The following FAM13A variants were observed in gnomAD, a reference collection of about 807,000 sequenced individuals.
FAM13A encodes the protein protein FAM13A.
FAM13A carries 76 observed loss-of-function variants against 129.6 expected under a neutral mutation model. That is an observed-to-expected ratio of 0.59 (90% CI 0.49 to 0.71). The LOEUF (loss-of-function observed/expected upper bound fraction) is 0.71. Ranked by LOEUF, FAM13A falls within the 30% of genes least tolerant of loss-of-function variation. The pLI, the probability that FAM13A is intolerant of heterozygous loss-of-function variation, is 0.00. For synonymous variants in FAM13A, 443 were observed against 449.9 expected (o/e 0.98, Z 0.20); for missense variants, 1,108 against 1,249.3 (o/e 0.89, Z 1.70).
chr4:88,926,981 A>C (rs1446055690), intron 5 of FAM13A, among the ~76,000 whole-genome samples: 1 of 152,158 alleles, frequency 6.6e-6, no homozygotes, highest in African/African-American at 2.4e-5. Context: ...ACCTACACCC[A>C]CCGACAGACA....
chr4:88,752,742 G>C (rs891845145), intron 14 of FAM13A, among the ~76,000 whole-genome samples: 10 of 152,138 alleles, frequency 6.6e-5, no homozygotes, highest in African/African-American at 2.2e-4. Context: ...AAGTAAGGAG[G>C]GGGGACTGGA....
intron 5 of FAM13A, among the ~76,000 whole-genome samples, chr4:88,927,388 C>T (rs1315087220): frequency 1.3e-5 from 2 of 150,312 alleles, no homozygotes; most frequent in African/African-American, 4.9e-5. Context: ...ATTGTATAAT[C>T]AATGAACAGG....
intron 6 of FAM13A, 45 bp downstream of exon 6, chr4:88,906,334 T>C (rs758675217): frequency 4.1e-6 from 5 of 1,209,112 alleles, no homozygotes; most frequent in Non-Finnish European, 6.0e-6. Context: ...CAAAGAACCA[T>C]GCTAAAGATT....
intron 7 of FAM13A, among the ~76,000 whole-genome samples, chr4:88,845,861 C>G (rs1428525613): frequency 6.6e-6 from 1 of 152,102 alleles, no homozygotes; most frequent in Non-Finnish European, 1.5e-5. Context: ...TAGAACAACT[C>G]TCATCTGAAA....
intron 11 of FAM13A, among the ~76,000 whole-genome samples, chr4:88,777,895 A>G (rs1226317405): frequency 6.6e-6 from 1 of 152,106 alleles, no homozygotes; most frequent in African/African-American, 2.4e-5. Context: ...TACTTGACCT[A>G]TCATCTGATT....
chr4:88,835,942 T>C (rs996463787), intron 7 of FAM13A, among the ~76,000 whole-genome samples: 1 of 152,146 alleles, frequency 6.6e-6, no homozygotes, highest in Non-Finnish European at 1.5e-5. Context: ...ATAATTTCTC[T>C]GAAACATGAC....
Position 88,728,572 on chromosome 4 carries a change from C to T in FAM13A, c.3033G>A (p.Val1011=), listed in dbSNP as rs1239437189. The change falls in exon 24 of 24, where the codon GTG becomes GTA. Residue 1011 remains valine, a synonymous_variant. Transcript: ENST00000264344. Reference sequence around the variant, plus strand: ...AATCAGTGTCTCTCTTGCTGATGAGCACCTCCAGGAGCCTCAGTTTCGCCT... The same window carrying T: ...AATCAGTGTCTCTCTTGCTGATGAGTACCTCCAGGAGCCTCAGTTTCGCCT... ...HIKAKLRLLE[V]LISKRDTDSK... 1.2e-6 allele frequency: 2 copies of T among 1,614,076 alleles called. No homozygotes were observed. Among genetic ancestry groups the T allele is most frequent in the South Asian group, 1.1e-5 (1 of 91,086 alleles).
intron 6 of FAM13A, among the ~76,000 whole-genome samples, chr4:88,867,631 C>A (rs1319678510): frequency 1.3e-5 from 2 of 152,128 alleles, no homozygotes; most frequent in Non-Finnish European, 2.9e-5. Flanking sequence ...ATAGAAGACA[C>A]AAATAATGAG....
rs563028024 is a variant in FAM13A at position 88,764,021 on chromosome 4, T to G, written c.1578+3532A>C. ...TGAAGTCAAAATAACAGTCATCCAT[T>G]CTATAAATACTTTTCAGAAATTCAC... is the stretch of plus-strand genomic sequence containing the variant. On this transcript the variant is annotated intron_variant, in intron 13 of 23. Coordinates refer to ENST00000264344, the MANE Select transcript of FAM13A (RefSeq NM_014883.4). 7.9e-5 allele frequency among the ~76,000 whole-genome samples: 12 copies of G among 152,320 alleles called. No individual in the cohort carries two copies. In the East Asian group the frequency reaches 2.3e-3, roughly 29 times the overall value.
intron 2 of FAM13A, among the ~76,000 whole-genome samples, chr4:89,023,839 C>T (rs933571898): frequency 4.0e-5 from 6 of 150,288 alleles, no homozygotes; most frequent in Admixed American, 6.7e-5. Context: ...TAGAATATAG[C>T]CAGTACCCAC....
chr4:88,888,040 A>T (rs1038526019), intron 6 of FAM13A, among the ~76,000 whole-genome samples: 2 of 152,180 alleles, frequency 1.3e-5, no homozygotes, highest in African/African-American at 4.8e-5. Flanking sequence ...TTATCTTCTA[A>T]TACTTCCCTT....
chr4:88,880,572 CAG>C (rs1350954425), intron 6 of FAM13A, among the ~76,000 whole-genome samples: 1 of 152,074 alleles, frequency 6.6e-6, no homozygotes, highest in East Asian at 1.9e-4. Context: ...CCACCGAACG[CAG>C]AGTTTCCTGG....
At chr4:89,027,531 C>A (rs1302406902) in intron 2 of FAM13A, among the ~76,000 whole-genome samples, 2 of 150,876 alleles carry the variant, frequency 1.3e-5, no homozygotes, top group Non-Finnish European at 3.0e-5. Context: ...AAAAGCAATA[C>A]AATAGAAAAA....
chr4:88,727,400 AATT>A lies in FAM13A; in HGVS notation c.*1130_*1132del, dbSNP rs1736663418. 6.6e-6 allele frequency: 1 copy of A among 152,670 alleles called. No individual in the cohort carries two copies. 9.5% of individuals were successfully genotyped at this position (152,670 alleles called of 1,614,324 possible). Reference sequence around the variant, plus strand: ...GTTTTGTGACAAAGTCTTTGAAAAAAATTATAATTGGCCACACAGCATGACTTC... The same window carrying A: ...GTTTTGTGACAAAGTCTTTGAAAAAAATAATTGGCCACACAGCATGACTTC... On this transcript the variant is annotated 3_prime_UTR_variant, in exon 24 of 24. Transcript: ENST00000264344.
chr4:88,777,244 A>G (rs1721929110), intron 11 of FAM13A, among the ~76,000 whole-genome samples: 1 of 152,172 alleles, frequency 6.6e-6, no homozygotes, highest in African/African-American at 2.4e-5. Flanking sequence ...GAATTTCCAA[A>G]GATACTTTTC....
chr4:89,016,822 A>G (rs867763776), intron 3 of FAM13A, among the ~76,000 whole-genome samples: 6 of 152,064 alleles, frequency 3.9e-5, no homozygotes, highest in Admixed American at 3.9e-4. Context: ...TTCTGTAGAG[A>G]TGCGGTTTTG....
chr4:89,057,002 G>A lies in FAM13A; in HGVS notation c.-38C>T, dbSNP rs1274763229. On this transcript the variant is annotated 5_prime_UTR_variant, in exon 1 of 24. Transcript: ENST00000264344. ...CGTCTGGAAGAACTGAGGAAGACCA[G>A]ACGAAAATATTAAAACGACAGCAAA... is the stretch of plus-strand genomic sequence containing the variant. 1 of 1,608,784 alleles carries A rather than the reference G, an allele frequency of 6.2e-7. No homozygotes were observed. The highest frequency in any genetic ancestry group is 2.2e-5 in the East Asian group (1 of 44,778).
intron 2 of FAM13A, among the ~76,000 whole-genome samples, chr4:89,021,715 C>T (rs1257631146): frequency 6.6e-6 from 1 of 151,860 alleles, no homozygotes; most frequent in East Asian, 1.9e-4. Flanking sequence ...AGAGGACCTG[C>T]CTTATGGAAA....
chr4:88,977,143 A>G (rs1400316999), intron 4 of FAM13A, among the ~76,000 whole-genome samples: 1 of 152,204 alleles, frequency 6.6e-6, no homozygotes, highest in Non-Finnish European at 1.5e-5. Context: ...GGTTAACAAC[A>G]ATAACTAATA....
Sources: gnomAD v4.1 joint callset for allele counts (sites outside exome capture counted in the v4.1 genomes callset) on GRCh38, gnomAD v4.1.1 for gene constraint, MANE v1.5 for transcripts, NCBI Gene and HGNC (gene_info 2026-07-23, HGNC 2026-07-21) for gene names.